Variants in EGFR observed in about 807,000 individuals in gnomAD.
The protein encoded by EGFR is avian erythroblastic leukemia viral (v-erb-b) oncogene homolog.
A neutral mutation model predicts 143.0 loss-of-function variants in EGFR; 58 were observed. The ratio of observed to expected loss-of-function variants is 0.41; its 90% CI spans 0.33 to 0.50. EGFR has a LOEUF of 0.50. Among genes scored for constraint, EGFR ranks in the 20% least tolerant of loss-of-function variants. The pLI is 0.39. For synonymous variants in EGFR, 613 were observed against 594.4 expected (o/e 1.03, Z -0.45); for missense variants, 1,307 against 1,579.0 (o/e 0.83, Z 2.92).
chr7:55,163,901 G>A (rs1785834461), intron 14 of EGFR, 78 bp downstream of exon 14: 4 of 1,516,380 alleles, frequency 2.6e-6, no homozygotes, highest in Non-Finnish European at 3.7e-6. Flanking sequence ...TGATGGCCCA[G>A]GGCATCCTGT....
chr7:55,097,339 G>A (rs1012122339), intron 1 of EGFR, among the ~76,000 whole-genome samples: 4 of 152,168 alleles, frequency 2.6e-5, no homozygotes, highest in Non-Finnish European at 5.9e-5. Flanking sequence ...CACAGTCATC[G>A]CAATAGTAAC....
At chr7:55,151,735 G>A (rs950633230) in intron 5 of EGFR, among the ~76,000 whole-genome samples, 7 of 152,122 alleles carry the variant, frequency 4.6e-5, no homozygotes, top group Non-Finnish European at 7.4e-5. Context: ...TTAGCCGGGC[G>A]TGGTGGCGGG....
intron 1 of EGFR, among the ~76,000 whole-genome samples, chr7:55,067,720 A>G (rs1285942281): frequency 6.6e-6 from 1 of 151,368 alleles, no homozygotes; most frequent in Non-Finnish European, 1.5e-5. Context: ...GGTGTAGAAC[A>G]TGATTTCATA....
intron 25 of EGFR, 110 bp from the exon 26 acceptor site, chr7:55,201,625 T>A (rs1450475574): frequency 7.1e-7 from 1 of 1,411,638 alleles, no homozygotes. Context: ...AAGACAAAAA[T>A]TAAACACCTT....
At chr7:55,037,692 G>C (rs1443734817) in intron 1 of EGFR, among the ~76,000 whole-genome samples, 1 of 152,104 alleles carries the variant, frequency 6.6e-6, no homozygotes, top group Non-Finnish European at 1.5e-5. Context: ...TCAAAAATCG[G>C]TTACCATAAA....
intron 1 of EGFR, among the ~76,000 whole-genome samples, chr7:55,139,436 C>A (rs372052809): frequency 3.3e-5 from 5 of 152,070 alleles, no homozygotes; most frequent in African/African-American, 1.2e-4. Flanking sequence ...AAGATCATAC[C>A]TTGTTTTAAT....
rs565575379 is a variant in EGFR at position 55,162,994 on chromosome 7, G to A, written c.1632-739G>A. 5.9e-5 allele frequency among the ~76,000 whole-genome samples: 9 copies of A among 152,310 alleles called. No homozygotes were observed. In the South Asian group the frequency reaches 6.2e-4, roughly 11 times the overall value. ...TTTAGTAGAGACGGGGTTTCACCAC[G>A]TTGGCCAGGCTGGTCTCAAACTCCT... On this transcript the variant is annotated intron_variant, in intron 13 of 27. Transcript: ENST00000275493.
At chr7:55,202,494 C>T in intron 26 of EGFR, 23 bp from the exon 27 acceptor site, 1 of 1,575,556 alleles carries the variant, frequency 6.3e-7, no homozygotes, top group Non-Finnish European at 8.7e-7. Flanking sequence ...ACCGGAGTAA[C>T]CTTCCCTCAT....
At chr7:55,041,772 T>C (rs1787913213) in intron 1 of EGFR, among the ~76,000 whole-genome samples, 1 of 152,218 alleles carries the variant, frequency 6.6e-6, no homozygotes, top group Non-Finnish European at 1.5e-5. Flanking sequence ...CTGAAACAGG[T>C]GAGCGTGACA....
At chr7:55,163,899 C>T in intron 14 of EGFR, 76 bp downstream of exon 14, 1 of 1,506,150 alleles carries the variant, frequency 6.6e-7, no homozygotes, top group Non-Finnish European at 9.2e-7. Context: ...GATGATGGCC[C>T]AGGGCATCCT....
At chr7:55,042,583 T>C (rs2128869971) in intron 1 of EGFR, among the ~76,000 whole-genome samples, 1 of 152,264 alleles carries the variant, frequency 6.6e-6, no homozygotes, top group African/African-American at 2.4e-5. Context: ...AAAAGTCTCC[T>C]CTGCAAAGGG....
At chr7:55,203,049 T>C (rs1787923485) in intron 27 of EGFR, 1 of 320,896 alleles carries the variant, frequency 3.1e-6, no homozygotes, top group African/African-American at 2.1e-5. Flanking sequence ...TATTAGTTAA[T>C]ATTAATAAAT....
At chr7:55,124,067 C>T (rs1284945516) in intron 1 of EGFR, among the ~76,000 whole-genome samples, 1 of 152,030 alleles carries the variant, frequency 6.6e-6, no homozygotes, top group Non-Finnish European at 1.5e-5. Flanking sequence ...GTTCTAGAGT[C>T]TAGTTAGAGA....
At chr7:55,105,354 A>G (rs1258683496) in intron 1 of EGFR, among the ~76,000 whole-genome samples, 1 of 152,250 alleles carries the variant, frequency 6.6e-6, no homozygotes, top group Non-Finnish European at 1.5e-5. Flanking sequence ...AGATGAAACT[A>G]GATCATTTGC....
intron 4 of EGFR, among the ~76,000 whole-genome samples, chr7:55,148,587 T>G (rs1215218326): frequency 6.6e-6 from 1 of 152,218 alleles, no homozygotes; most frequent in Non-Finnish European, 1.5e-5. Flanking sequence ...AATTCCTTAT[T>G]CAATAAATTG....
intron 3 of EGFR, among the ~76,000 whole-genome samples, chr7:55,146,223 GA>G (rs1273032457): frequency 6.6e-6 from 1 of 152,038 alleles, no homozygotes; most frequent in East Asian, 1.9e-4. Context: ...TAGCACTCAG[GA>G]ACTGCCTCCC....
chr7:55,205,894 A>AT lies in EGFR; in HGVS notation c.*280dup. 3 of 455,358 alleles carry AT rather than the reference A, an allele frequency of 6.6e-6. No individual in the cohort carries two copies. The highest frequency in any genetic ancestry group is 4.0e-5 in the East Asian group (1 of 24,808). The allele number at this position is 455,358 out of a possible 1,614,324, so 28.2% of individuals were successfully genotyped here. ...AGAAATTTATCTTTCAAAGAGGTAT[A>AT]TTTGAAAAAAAAAAAAAGTATATGT... On this transcript the variant is annotated 3_prime_UTR_variant, in exon 28 of 28. Transcript: ENST00000275493.
Position 55,105,957 on chromosome 7 carries a change from T to G in EGFR, c.89-36329T>G, listed in dbSNP as rs559802636. Among the ~76,000 whole-genome samples, 4 of 152,334 alleles carry G rather than the reference T, an allele frequency of 2.6e-5. No homozygotes were observed. In the South Asian group the frequency reaches 8.3e-4, roughly 32 times the overall value. The stretch of plus-strand genomic sequence containing the variant: ...CAGATGTGGAGAATGTGACAAAATT[T>G]TAAGCATAACATGAGAAGGGCTGAC... On this transcript the variant is annotated intron_variant, in intron 1 of 27. Transcript: ENST00000275493.
At chr7:55,076,347 C>T (rs1217489072) in intron 1 of EGFR, among the ~76,000 whole-genome samples, 1 of 152,168 alleles carries the variant, frequency 6.6e-6, no homozygotes, top group African/African-American at 2.4e-5. Context: ...AAATACAAGA[C>T]TGATGTCCTT....
Sources: allele counts gnomAD v4.1 joint callset (sites outside exome capture counted in the v4.1 genomes callset), GRCh38; gene constraint gnomAD v4.1.1; transcripts MANE v1.5; gene names NCBI Gene and HGNC (gene_info 2026-07-23, HGNC 2026-07-21).